DNAH12: variants seen among roughly 807,000 people sequenced by gnomAD.
DNAH12 encodes the protein axonemal beta dynein heavy chain 12.
A neutral mutation model predicts 371.5 loss-of-function variants in DNAH12; 285 were observed. That is an observed-to-expected ratio of 0.77 (90% CI 0.70 to 0.85). The LOEUF is 0.85. Among genes scored for constraint, DNAH12 ranks in the 40% least tolerant of loss-of-function variants. The probability of loss-of-function intolerance (pLI) is 0.00; values close to 1 mark genes in which losing one functional copy is unlikely to be tolerated. For missense variants in DNAH12, 3,611 were observed against 3,689.4 expected (o/e 0.98, Z 0.55); for synonymous variants, 1,200 against 1,213.0 (o/e 0.99, Z 0.22).
rs2066820872 is a variant in DNAH12 at position 57,483,468 on chromosome 3, C to A, written c.1558G>T (p.Val520Phe). 6.4e-7 allele frequency: 1 copy of A among 1,551,088 alleles called. No homozygotes were observed. The highest frequency in any genetic ancestry group is 2.0e-5 in the Admixed American group (1 of 50,888). Residue 520 changes from valine to phenylalanine, a missense_variant, in exon 13 of 74, where the codon GTC (valine) becomes TTC (phenylalanine). Transcript: ENST00000495027. ...ATCATCTCTTCTGTTGTTTCAGGGA[C>A]TTTTAATGCATGTTCTTTAATTGCT... ...FEAIKEHALK[V>F]PETTEEMMDL...
At position 57,489,663 on chromosome 3, in the gene DNAH12, C is replaced by T. The variant is rs1394092870; in HGVS notation, c.1360G>A (p.Ala454Thr). Reference protein sequence around the residue: ...TEFIEKFLSLASEIMLLPQWI... With the variant: ...TEFIEKFLSLTSEIMLLPQWI... ...TGAGGCAAAAGCATTATTTCTGAGG[C>T]AAGACTGAGAAATTTTTCTATAAAC... Residue 454 changes from alanine to threonine, a missense_variant, in exon 12 of 74, where the codon GCC (alanine) becomes ACC (threonine). Coordinates refer to ENST00000495027, the MANE Select transcript of DNAH12 (RefSeq NM_001366028.2). 2.7e-6 allele frequency: 4 copies of T among 1,501,792 alleles called. No individual in the cohort carries two copies. Among genetic ancestry groups the T allele is most frequent in the Non-Finnish European group, 3.5e-6 (4 of 1,132,720 alleles). The allele number at this position is 1,501,792 out of a possible 1,614,324, so 93.0% of individuals were successfully genotyped here.
At chr3:57,456,195 G>C (rs2065898354) in intron 22 of DNAH12, among the ~76,000 whole-genome samples, 1 of 152,144 alleles carries the variant, frequency 6.6e-6, no homozygotes, top group Admixed American at 6.5e-5. Flanking sequence ...GGACAATGGT[G>C]GCTCTTTCCT....
At position 57,531,721 on chromosome 3, in the gene DNAH12, C is replaced by T. The variant is rs1243729679; in HGVS notation, c.171-7837G>A. ...GAGGTTGCAGTGAGCTGAGATCACACCACTGTACTCTAGCCTGGGCGACAG... is the reference window on the plus strand; with the variant it reads ...GAGGTTGCAGTGAGCTGAGATCACATCACTGTACTCTAGCCTGGGCGACAG... On this transcript the variant is annotated intron_variant, in intron 2 of 73. Coordinates refer to ENST00000495027, the MANE Select transcript of DNAH12 (RefSeq NM_001366028.2). Among the ~76,000 whole-genome samples, 6 of 142,042 alleles carry T rather than the reference C, an allele frequency of 4.2e-5. No homozygotes were observed. In the South Asian group the frequency reaches 1.3e-3, roughly 31 times the overall value. 93.2% of individuals were successfully genotyped at this position (142,042 alleles called of 152,430 possible). A position where few individuals can be genotyped will look rare whatever the true frequency, so the allele number is the denominator to read the frequency against.
At chr3:57,340,425 GA>G (rs2062365949) in intron 60 of DNAH12, among the ~76,000 whole-genome samples, 1 of 151,736 alleles carries the variant, frequency 6.6e-6, no homozygotes, top group Non-Finnish European at 1.5e-5. Flanking sequence ...ACTAGACTAA[GA>G]AAAAAAGAGA....
Position 57,446,189 on chromosome 3 carries a change from C to T in DNAH12, c.4021G>A (p.Val1341Ile), listed in dbSNP as rs1041142837. Reference protein sequence around the residue: ...NRIELEVLSVVAQQILCIQRA... With the variant: ...NRIELEVLSVIAQQILCIQRA... ...TGAATGCAAAGGATCTGTTGAGCTA[C>T]CACTGACAACACTTCCAACTCAATT... The change falls in exon 27 of 74, where the codon GTA becomes ATA. Residue 1341 changes from valine to isoleucine, a missense_variant. Coordinates refer to ENST00000495027, the MANE Select transcript of DNAH12 (RefSeq NM_001366028.2). 6.4e-7 allele frequency: 1 copy of T among 1,551,732 alleles called. No individual in the cohort carries two copies.
At chr3:57,393,178 A>G (rs1015405121) in intron 44 of DNAH12, among the ~76,000 whole-genome samples, 1 of 152,214 alleles carries the variant, frequency 6.6e-6, no homozygotes, top group African/African-American at 2.4e-5. Flanking sequence ...CATTTCATGG[A>G]AGAGAAAAGC....
intron 34 of DNAH12, among the ~76,000 whole-genome samples, chr3:57,427,932 GGTT>G (rs1269374447): frequency 6.6e-6 from 1 of 151,350 alleles, no homozygotes; most frequent in Non-Finnish European, 1.5e-5. Context: ...TTGGTTTTGG[GGTT>G]TTTTTTTTTC....
chr3:57,422,888 TCA>T (rs575728983), intron 35 of DNAH12, among the ~76,000 whole-genome samples: 3 of 152,272 alleles, frequency 2.0e-5, no homozygotes, highest in African/African-American at 7.2e-5. Context: ...AAAAACAAGG[TCA>T]CTCTATAAGC....
At chr3:57,371,391 T>C (rs2063166320) in intron 55 of DNAH12, among the ~76,000 whole-genome samples, 1 of 152,164 alleles carries the variant, frequency 6.6e-6, no homozygotes, top group Non-Finnish European at 1.5e-5. Flanking sequence ...TTTAGGCTAT[T>C]AATGGTAAAT....
intron 60 of DNAH12, 78 bp downstream of exon 60, chr3:57,352,007 G>T: frequency 1.5e-6 from 2 of 1,372,392 alleles, no homozygotes; most frequent in Non-Finnish European, 1.9e-6. Flanking sequence ...AGACTTCTGT[G>T]AGAAGACATA....
chr3:57,318,041 G>A (rs1171344087), intron 65 of DNAH12, among the ~76,000 whole-genome samples: 2 of 152,094 alleles, frequency 1.3e-5, no homozygotes, highest in South Asian at 4.2e-4. Flanking sequence ...TGTTATTGAG[G>A]TGTTCCATAT....
intron 73 of DNAH12, 71 bp downstream of exon 73, chr3:57,295,453 TG>T (rs397875697): frequency 7.7e-7 from 1 of 1,291,906 alleles, no homozygotes; most frequent in Non-Finnish European, 1.1e-6. Context: ...AAACTTATTT[TG>T]GGGAGCAGTG....
chr3:57,314,698 A>G (rs1371082926), intron 65 of DNAH12, 67 bp from the exon 66 acceptor site: 16 of 1,441,256 alleles, frequency 1.1e-5, no homozygotes, highest in South Asian at 7.2e-5. Flanking sequence ...AAATGAGAGG[A>G]ATAGATAAAT....
At position 57,405,988 on chromosome 3, in the gene DNAH12, T is replaced by C. The variant is rs1553681120; in HGVS notation, c.6277-36A>G. 4.0e-6 allele frequency: 6 copies of C among 1,514,136 alleles called. No homozygotes were observed. In the South Asian group the frequency reaches 7.4e-5, roughly 19 times the overall value. 93.8% of individuals were successfully genotyped at this position (1,514,136 alleles called of 1,614,324 possible). ...AAAAAGCAACAAAGCAAAAATAAAA[T>C]GCTTATAATCAGTAAAGTCATGTAA... is the stretch of plus-strand genomic sequence containing the variant. On this transcript the variant is annotated intron_variant, in intron 40 of 73. Transcript: ENST00000495027.
At chr3:57,527,309 C>G (rs2068683123) in intron 2 of DNAH12, among the ~76,000 whole-genome samples, 1 of 151,962 alleles carries the variant, frequency 6.6e-6, no homozygotes, top group Non-Finnish European at 1.5e-5. Flanking sequence ...CTAGACTGGG[C>G]AACACAGTGA....
chr3:57,476,956 G>A (rs2066549244), intron 13 of DNAH12, among the ~76,000 whole-genome samples: 1 of 152,166 alleles, frequency 6.6e-6, no homozygotes, highest in Admixed American at 6.5e-5. Context: ...GAGCCAAGAT[G>A]GCCAAATGGG....
chr3:57,340,233 T>A (rs1553655641), intron 60 of DNAH12, among the ~76,000 whole-genome samples: 2 of 150,052 alleles, frequency 1.3e-5, no homozygotes, highest in African/African-American at 4.9e-5. Context: ...AGATTTCAAA[T>A]AAATAAGCTA....
At chr3:57,406,851 G>A (rs2064043393) in intron 40 of DNAH12, among the ~76,000 whole-genome samples, 1 of 152,028 alleles carries the variant, frequency 6.6e-6, no homozygotes, top group South Asian at 2.1e-4. Context: ...TCTCTTAAAG[G>A]AAGGTGAATT....
chr3:57,421,283 GAATT>G (rs1025638463), intron 36 of DNAH12, among the ~76,000 whole-genome samples: 9 of 152,064 alleles, frequency 5.9e-5, no homozygotes, highest in African/African-American at 1.9e-4. Flanking sequence ...ATGCTTTGGG[GAATT>G]ATTTAATAAA....
Sources: gnomAD v4.1 joint callset for allele counts (sites outside exome capture counted in the v4.1 genomes callset) on GRCh38, gnomAD v4.1.1 for gene constraint, MANE v1.5 for transcripts, NCBI Gene and HGNC (gene_info 2026-07-23, HGNC 2026-07-21) for gene names.